The following ATP6V0D2 variants were observed in gnomAD, a reference collection of about 807,000 sequenced individuals.
The protein encoded by ATP6V0D2 is V-type proton ATPase subunit d 2.
A neutral mutation model predicts 40.0 loss-of-function variants in ATP6V0D2; 40 were observed. The ratio of observed to expected loss-of-function variants is 1.00; its 90% confidence interval spans 0.78 to 1.30. ATP6V0D2 has a LOEUF of 1.30. Ranked by LOEUF, ATP6V0D2 falls within the 50% of genes most tolerant of loss-of-function variation. The probability of loss-of-function intolerance (pLI) is 0.00; values close to 1 mark genes in which losing one functional copy is unlikely to be tolerated. For missense variants in ATP6V0D2, 470 were observed against 423.1 expected (o/e 1.11, Z -0.97); for synonymous variants, 179 against 156.3 (o/e 1.15, Z -1.08).
intron 1 of ATP6V0D2, among the ~76,000 whole-genome samples, chr8:86,106,066 T>C (rs1220447069): frequency 2.0e-5 from 3 of 152,178 alleles, no homozygotes; most frequent in Non-Finnish European, 4.4e-5. Context: ...TCTTCTGCTT[T>C]ATGGTTCTGG....
intron 2 of ATP6V0D2, among the ~76,000 whole-genome samples, chr8:86,116,771 G>A (rs1818595831): frequency 6.6e-6 from 1 of 152,136 alleles, no homozygotes; most frequent in Admixed American, 6.6e-5. Flanking sequence ...TCAAAGGAAT[G>A]TGCATCTTTA....
intron 2 of ATP6V0D2, among the ~76,000 whole-genome samples, chr8:86,136,898 G>C (rs1476434569): frequency 6.6e-6 from 1 of 152,094 alleles, no homozygotes; most frequent in Non-Finnish European, 1.5e-5. Context: ...TCGAGGACTA[G>C]GTTTGCATTG....
intron 4 of ATP6V0D2, among the ~76,000 whole-genome samples, 165 bp from the exon 5 acceptor site, chr8:86,142,712 C>G (rs1266614216): frequency 6.6e-6 from 1 of 152,174 alleles, no homozygotes; most frequent in African/African-American, 2.4e-5. Context: ...GTGCAACATG[C>G]TGCAATGTGA....
At position 86,154,217 on chromosome 8, in the gene ATP6V0D2, A is replaced by G. The variant is rs1819197386; in HGVS notation, c.*1240A>G. The G allele has an allele frequency of 6.6e-6, 1 of 152,236 alleles. No individual in the cohort carries two copies. Among genetic ancestry groups the G allele is most frequent in the Admixed American group, 6.5e-5 (1 of 15,286 alleles). The allele number at this position is 152,236 out of a possible 1,614,324, so 9.4% of individuals were successfully genotyped here. ...TCACACCTTTCTTTAAATAAAAGGT[A>G]TATCTCTCTTTCTTGTGGTTTCTTC... On this transcript the variant is annotated 3_prime_UTR_variant, in exon 8 of 8. Transcript: ENST00000285393.
chr8:86,122,197 A>T (rs1563559375), intron 2 of ATP6V0D2, among the ~76,000 whole-genome samples: 1 of 152,198 alleles, frequency 6.6e-6, no homozygotes, highest in Admixed American at 6.5e-5. Context: ...TCTCTCAAGC[A>T]TTCAAAGTAT....
chr8:86,135,176 C>A (rs1361227335), intron 2 of ATP6V0D2, among the ~76,000 whole-genome samples: 1 of 152,238 alleles, frequency 6.6e-6, no homozygotes, highest in Non-Finnish European at 1.5e-5. Context: ...TCAGCTATTG[C>A]TAATGACACT....
In ATP6V0D2 at chr8:86,113,753, G is replaced by T; in HGVS notation, c.175G>T (p.Ala59Ser). The change falls in exon 2 of 8, where the codon GCT becomes TCT. Residue 59 changes from alanine to serine, a missense_variant. Ala to Ser is a moderately conservative substitution (Grantham distance 99). Transcript: ENST00000285393. Reference sequence around the variant, plus strand: ...GACTACTGATTATGGTAACTTTTTGGCTAATCACACAAATCCTCTTACTGT... The same window carrying T: ...GACTACTGATTATGGTAACTTTTTGTCTAATCACACAAATCCTCTTACTGT... ...LQTTDYGNFLANHTNPLTVSK... is the reference protein window; with the variant it reads ...LQTTDYGNFLSNHTNPLTVSK... 1.2e-6 allele frequency: 2 copies of T among 1,611,476 alleles called. No individual in the cohort carries two copies. The highest frequency in any genetic ancestry group is 1.7e-6 in the Non-Finnish European group (2 of 1,178,730).
chr8:86,130,214 T>C (rs947780860), intron 2 of ATP6V0D2, among the ~76,000 whole-genome samples: 3 of 152,100 alleles, frequency 2.0e-5, no homozygotes, highest in Non-Finnish European at 4.4e-5. Context: ...CTTTGTGCTC[T>C]TTTTTACCAT....
In ATP6V0D2 at chr8:86,126,262, A is replaced by ATATATATATATC. The variant is rs1191399026; in HGVS notation, c.302+12383_302+12384insATATATATATCT. 3.0e-5 allele frequency among the ~76,000 whole-genome samples: 4 copies of ATATATATATATC among 131,338 alleles called. 1 individual carries two copies. Among genetic ancestry groups the ATATATATATATC allele is most frequent in the Non-Finnish European group, 6.6e-5 (4 of 60,424 alleles). The allele number at this position is 131,338 out of a possible 152,430, so 86.2% of individuals were successfully genotyped here. A position where few individuals can be genotyped will look rare whatever the true frequency, so the allele number is the denominator to read the frequency against. ...TATATATATATATATATATATATAT[A>ATATATATATATC]TCTTTTTGTATATAGTATAAAGTTC... is the stretch of plus-strand genomic sequence containing the variant. On this transcript the variant is annotated intron_variant, in intron 2 of 7. Coordinates refer to ENST00000285393, the MANE Select transcript of ATP6V0D2 (RefSeq NM_152565.1).
At chr8:86,145,925 T>C (rs893786019) in intron 5 of ATP6V0D2, among the ~76,000 whole-genome samples, 1 of 152,174 alleles carries the variant, frequency 6.6e-6, no homozygotes, top group Middle Eastern at 3.2e-3. Flanking sequence ...CACTTAGACT[T>C]CAAAACCACA....
intron 4 of ATP6V0D2, among the ~76,000 whole-genome samples, chr8:86,142,350 C>T (rs1478272709): frequency 6.6e-6 from 1 of 152,184 alleles, no homozygotes; most frequent in Non-Finnish European, 1.5e-5. Flanking sequence ...TATCTCCATT[C>T]CTCAGAGGTG....
intron 2 of ATP6V0D2, among the ~76,000 whole-genome samples, chr8:86,115,315 T>A (rs1229886105): frequency 1.3e-5 from 2 of 149,884 alleles, no homozygotes; most frequent in Admixed American, 6.7e-5. Flanking sequence ...AAGATGATAC[T>A]CCCTCTATCC....
At chr8:86,137,010 A>C (rs1248893558) in intron 2 of ATP6V0D2, among the ~76,000 whole-genome samples, 1 of 151,934 alleles carries the variant, frequency 6.6e-6, no homozygotes, top group East Asian at 1.9e-4. Context: ...AAAAGGACAC[A>C]TATTAAAACT....
At chr8:86,151,638 C>T (rs1441171064) in intron 7 of ATP6V0D2, 98 bp downstream of exon 7, 1 of 883,896 alleles carries the variant, frequency 1.1e-6, no homozygotes, top group African/African-American at 1.7e-5. Flanking sequence ...CTGATCATGC[C>T]AATTGATTAG....
intron 5 of ATP6V0D2, among the ~76,000 whole-genome samples, chr8:86,147,037 G>A (rs1819079939): frequency 1.3e-5 from 2 of 151,892 alleles, no homozygotes; most frequent in Admixed American, 1.3e-4. Context: ...TTATGTTCAA[G>A]GCAAATGCAC....
At chr8:86,113,603 A>C in intron 1 of ATP6V0D2, 106 bp from the exon 2 acceptor site, 1 of 946,538 alleles carries the variant, frequency 1.1e-6, no homozygotes, top group South Asian at 1.7e-5. Flanking sequence ...TAATAAGATA[A>C]TACATATGTA....
chr8:86,142,931 G>C lies in ATP6V0D2; in HGVS notation c.616G>C (p.Glu206Gln), dbSNP rs372592616. 1 of 1,610,358 alleles carries C rather than the reference G, an allele frequency of 6.2e-7. No homozygotes were observed. Among genetic ancestry groups the C allele is most frequent in the Admixed American group, 1.7e-5 (1 of 59,842 alleles). Residue 206 changes from glutamate (E) to glutamine (Q), a missense_variant, in exon 5 of 8, where the codon GAA becomes CAA. By Grantham distance (29) the Glu-to-Gln change is conservative. Transcript: ENST00000285393. ...TAAGAATCATGGTGATGTCACAGCA[G>C]AAGTTATGTGTCCCATTCTTGAGGT... Reference protein sequence around the residue: ...FCKNHGDVTAEVMCPILEFEA... With the variant: ...FCKNHGDVTAQVMCPILEFEA...
intron 2 of ATP6V0D2, among the ~76,000 whole-genome samples, chr8:86,128,682 A>G (rs1818778037): frequency 6.6e-6 from 1 of 152,234 alleles, no homozygotes. Flanking sequence ...AATAATGACC[A>G]CACAAAGACA....
Position 86,113,704 on chromosome 8 carries a change from T to A in ATP6V0D2, c.131-5T>A. The A allele has an allele frequency of 6.3e-7, 1 of 1,589,596 alleles. No homozygotes were observed. The highest frequency in any genetic ancestry group is 8.6e-7 in the Non-Finnish European group (1 of 1,166,704). ...AACCTGAATTGGGGTTTCATTTAAT[T>A]TCAGACCTGAAAATTCATCTCCAGA... On this transcript the variant is annotated splice_polypyrimidine_tract_variant and splice_region_variant and intron_variant, in intron 1 of 7. Coordinates refer to ENST00000285393, the MANE Select transcript of ATP6V0D2 (RefSeq NM_152565.1).
Sources: gnomAD v4.1 joint callset for allele counts (sites outside exome capture counted in the v4.1 genomes callset) on GRCh38, gnomAD v4.1.1 for gene constraint, MANE v1.5 for transcripts, NCBI Gene and HGNC (gene_info 2026-07-23, HGNC 2026-07-21) for gene names.